Variants in KAT6B observed in about 807,000 individuals in gnomAD.
KAT6B encodes the protein lysine acetyltransferase 6B.
In KAT6B, 10 loss-of-function variants were observed where a neutral mutation model predicts 187.5. That is an observed-to-expected ratio of 0.05 (90% confidence interval 0.03 to 0.09). The LOEUF (loss-of-function observed/expected upper bound fraction) is 0.09. Ranked by LOEUF, KAT6B falls within the 10% of genes least tolerant of loss-of-function variation. KAT6B has a pLI of 1.00. For missense variants in KAT6B, 1,952 were observed against 2,558.9 expected (o/e 0.76, Z 5.12); for synonymous variants, 861 against 926.8 (o/e 0.93, Z 1.29).
intron 3 of KAT6B, among the ~76,000 whole-genome samples, chr10:74,926,557 A>G (rs1160251693): frequency 6.6e-6 from 1 of 152,194 alleles, no homozygotes; most frequent in African/African-American, 2.4e-5. Context: ...ATTTTAAATA[A>G]CCTGACGGAG....
rs367634881 is a variant in KAT6B at position 75,028,886 on chromosome 10, AGAGGAG to A, written c.4074_4079del (p.Glu1367_Glu1368del). 2,649 of 1,609,654 alleles carry A rather than the reference AGAGGAG, an allele frequency of 1.6e-3. 4 individuals carry two copies. The highest frequency in any genetic ancestry group is 2.0e-3 in the Non-Finnish European group (2,389 of 1,178,686). On this transcript the variant is annotated inframe_deletion, in exon 18 of 18. Transcript: ENST00000287239. The stretch of plus-strand genomic sequence containing the variant: ...ATCTCATCAAACCTGAGGAAGAGGA[AGAGGAG>A]GAGGAGGAGGAAGAGGAAGAAGAGG...
intron 13 of KAT6B, among the ~76,000 whole-genome samples, chr10:75,009,511 T>C (rs1844447140): frequency 6.6e-6 from 1 of 152,202 alleles, no homozygotes; most frequent in Admixed American, 6.5e-5. Context: ...AATGTATTGT[T>C]ACTGAAGTCT....
At chr10:74,860,624 C>G (rs372781680) in intron 3 of KAT6B, among the ~76,000 whole-genome samples, 21 of 152,270 alleles carry the variant, frequency 1.4e-4, no homozygotes, top group South Asian at 8.3e-4. Flanking sequence ...CAACACATAC[C>G]TAGTGAATTC....
At chr10:74,866,953 A>G (rs1427312820) in intron 3 of KAT6B, among the ~76,000 whole-genome samples, 1 of 152,244 alleles carries the variant, frequency 6.6e-6, no homozygotes, top group South Asian at 2.1e-4. Context: ...GAAATACTGT[A>G]TCAGGTGATT....
intron 3 of KAT6B, among the ~76,000 whole-genome samples, chr10:74,851,195 CCT>C (rs1357192465): frequency 6.6e-6 from 1 of 151,878 alleles, no homozygotes; most frequent in African/African-American, 2.4e-5. Context: ...GCAGCTGCCG[CCT>C]CTCGGGTTCA....
At chr10:74,911,854 G>A (rs1002005459) in intron 3 of KAT6B, among the ~76,000 whole-genome samples, 2 of 151,846 alleles carry the variant, frequency 1.3e-5, no homozygotes, top group Admixed American at 6.6e-5. Flanking sequence ...TTAAGAAACA[G>A]GGTCTTGCTC....
At position 75,031,079 on chromosome 10, in the gene KAT6B, A is replaced by G; in HGVS notation, c.*33A>G. The G allele has an allele frequency of 6.2e-7, 1 of 1,612,134 alleles. No individual in the cohort carries two copies. The highest frequency in any genetic ancestry group is 8.5e-7 in the Non-Finnish European group (1 of 1,178,952). On this transcript the variant is annotated 3_prime_UTR_variant, in exon 18 of 18. Transcript: ENST00000287239. ...GGGCAGTCCACAAAACCTACGGGGC[A>G]TCACTATTGGATTGATCTGCACAAA...
rs868715882 is a variant in KAT6B, at chr10:74,883,350, A to G, written c.621+39872A>G. Among the ~76,000 whole-genome samples the G allele has an allele frequency of 5.9e-5, 9 of 152,154 alleles. No homozygotes were observed. In the South Asian group the frequency reaches 8.3e-4, roughly 14 times the overall value. ...GATGACAAACAGCTCTTCTGGGACA[A>G]TAGTGTCAAGTATAAAAGGATTATA... On this transcript the variant is annotated intron_variant, in intron 3 of 17. Transcript: ENST00000287239.
chr10:75,004,256 A>G (rs1844052628), intron 13 of KAT6B, among the ~76,000 whole-genome samples: 1 of 152,174 alleles, frequency 6.6e-6, no homozygotes, highest in South Asian at 2.1e-4. Flanking sequence ...GGTCATTGCT[A>G]AACTCCAAGC....
At chr10:74,963,970 GAA>G (rs201724468) in intron 4 of KAT6B, among the ~76,000 whole-genome samples, 2 of 145,036 alleles carry the variant, frequency 1.4e-5, no homozygotes, top group African/African-American at 5.0e-5. Context: ...CTAAAAAAAG[GAA>G]AAAAAAAAAA....
chr10:75,031,142 T>A lies in KAT6B; in HGVS notation c.*96T>A. On this transcript the variant is annotated 3_prime_UTR_variant, in exon 18 of 18. Transcript: ENST00000287239. ...GTACGATTTCAAAACCAGCAATTGG[T>A]GTGAATGCAAAAACATTTGTTGGCA... The A allele has an allele frequency of 7.2e-7, 1 of 1,394,774 alleles. No homozygotes were observed. Among genetic ancestry groups the A allele is most frequent in the Admixed American group, 1.9e-5 (1 of 51,516 alleles). 86.4% of individuals were successfully genotyped at this position (1,394,774 alleles called of 1,614,324 possible). A position where few individuals can be genotyped will look rare whatever the true frequency, so the allele number is the denominator to read the frequency against.
intron 3 of KAT6B, among the ~76,000 whole-genome samples, chr10:74,845,278 A>G (rs916281582): frequency 3.3e-5 from 5 of 152,048 alleles, no homozygotes; most frequent in Non-Finnish European, 5.9e-5. Flanking sequence ...CTGTAATCCC[A>G]GCACTTTGGG....
At chr10:74,914,926 TAAAATAA>T (rs1847553697) in intron 3 of KAT6B, among the ~76,000 whole-genome samples, 1 of 151,768 alleles carries the variant, frequency 6.6e-6, no homozygotes, top group South Asian at 2.1e-4. Flanking sequence ...TCCATCTCTT[TAAAATAA>T]AAAATAAAAA....
chr10:74,869,353 A>C (rs1009338670), intron 3 of KAT6B, among the ~76,000 whole-genome samples: 3 of 151,452 alleles, frequency 2.0e-5, no homozygotes, highest in Admixed American at 6.6e-5. Context: ...ACTGGAGTGC[A>C]GCGGTGCGAT....
intron 3 of KAT6B, among the ~76,000 whole-genome samples, chr10:74,952,457 A>G (rs1840381108): frequency 6.6e-6 from 1 of 152,248 alleles, no homozygotes; most frequent in African/African-American, 2.4e-5. Flanking sequence ...TCAAGCTCCA[A>G]GTGAAAGGAG....
intron 13 of KAT6B, among the ~76,000 whole-genome samples, chr10:75,018,992 G>T (rs1439613648): frequency 6.6e-6 from 1 of 152,198 alleles, no homozygotes; most frequent in African/African-American, 2.4e-5. Flanking sequence ...ATTCTGAGGT[G>T]TGGGCTCCCT....
At chr10:74,980,081 C>T (rs1020794049) in intron 10 of KAT6B, among the ~76,000 whole-genome samples, 7 of 152,184 alleles carry the variant, frequency 4.6e-5, no homozygotes, top group Non-Finnish European at 1.0e-4. Context: ...ATCACTGGAA[C>T]CCAGGAGGTG....
chr10:74,883,218 G>A (rs977330349), intron 3 of KAT6B, among the ~76,000 whole-genome samples: 2 of 152,122 alleles, frequency 1.3e-5, no homozygotes, highest in Non-Finnish European at 2.9e-5. Context: ...GTAAAGTCAA[G>A]GTCAGTATCA....
At chr10:74,974,885 T>TA (rs200791338) in intron 7 of KAT6B, among the ~76,000 whole-genome samples, 18 of 151,998 alleles carry the variant, frequency 1.2e-4, no homozygotes, top group Non-Finnish European at 2.4e-4. Context: ...TATGTTTTCT[T>TA]AAAAAAAAGT....
Sources: allele counts gnomAD v4.1 joint callset (sites outside exome capture counted in the v4.1 genomes callset), GRCh38; gene constraint gnomAD v4.1.1; transcripts MANE v1.5; gene names NCBI Gene and HGNC (gene_info 2026-07-23, HGNC 2026-07-21).